The following RAB38 variants were observed in gnomAD, a reference collection of about 807,000 sequenced individuals.
RAB38 encodes ras-related protein Rab-38.
Under a neutral mutation model 18.4 loss-of-function variants are expected in RAB38, and 15 were observed. The ratio of observed to expected loss-of-function variants is 0.82; its 90% CI spans 0.55 to 1.26. The LOEUF (loss-of-function observed/expected upper bound fraction) is 1.26, where lower values mean the gene tolerates loss of function less well. RAB38 is among the 50% of genes most tolerant of loss of function. The pLI, the probability that RAB38 is intolerant of heterozygous loss-of-function variation, is 0.00. For missense variants in RAB38, 294 were observed against 267.4 expected (o/e 1.10, Z -0.69); for synonymous variants, 101 against 104.4 (o/e 0.97, Z 0.20).
the RAB38 span, among the ~76,000 whole-genome samples, chr11:87,951,767 C>T: frequency 6.6e-6 from 1 of 152,120 alleles, no homozygotes; most frequent in Non-Finnish European, 1.5e-5. Context: ...AGTTTTGTCT[C>T]AGAGGAGTAC....
chr11:87,960,677 C>T, the RAB38 span, among the ~76,000 whole-genome samples: 4 of 152,270 alleles, frequency 2.6e-5, no homozygotes, highest in Non-Finnish European at 5.9e-5. Context: ...ACCTGCATTT[C>T]GGTTACATAA....
At chr11:87,946,105 A>G in the RAB38 span, among the ~76,000 whole-genome samples, 1 of 152,176 alleles carries the variant, frequency 6.6e-6, no homozygotes, top group African/African-American at 2.4e-5. Context: ...TCAGTTCAAT[A>G]GTAGGGGAAT....
At chr11:88,142,449 C>A (rs1158819725) in intron 2 of RAB38, among the ~76,000 whole-genome samples, 1 of 152,220 alleles carries the variant, frequency 6.6e-6, no homozygotes, top group East Asian at 1.9e-4. Context: ...GCATCCTATG[C>A]ACTGAAGCAT....
At chr11:87,835,089 T>C in the RAB38 span, among the ~76,000 whole-genome samples, 2 of 152,244 alleles carry the variant, frequency 1.3e-5, no homozygotes, top group Non-Finnish European at 2.9e-5. Flanking sequence ...TTTTCTTTAG[T>C]TGTCAGGTTT....
the RAB38 span, among the ~76,000 whole-genome samples, chr11:87,965,016 G>A: frequency 6.6e-6 from 1 of 152,072 alleles, no homozygotes; most frequent in Non-Finnish European, 1.5e-5. Context: ...AACATATTCA[G>A]CCAGATAATT....
chr11:87,908,040 C>A, the RAB38 span, among the ~76,000 whole-genome samples: 1 of 151,750 alleles, frequency 6.6e-6, no homozygotes, highest in Admixed American at 6.6e-5. Flanking sequence ...TTTTTCTTCT[C>A]TCCTTTTAAG....
chr11:88,151,179 A>G (rs1464268605), intron 1 of RAB38, among the ~76,000 whole-genome samples: 1 of 152,224 alleles, frequency 6.6e-6, no homozygotes, highest in Non-Finnish European at 1.5e-5. Context: ...CAAATTGGCA[A>G]TAATAATATG....
At chr11:88,028,503 A>G in the RAB38 span, among the ~76,000 whole-genome samples, 1 of 152,318 alleles carries the variant, frequency 6.6e-6, no homozygotes, top group Non-Finnish European at 1.5e-5. Flanking sequence ...AGAATGTATA[A>G]CTAGCATAAC....
chr11:88,067,402 T>C, the RAB38 span, among the ~76,000 whole-genome samples: 1 of 149,686 alleles, frequency 6.7e-6, no homozygotes, highest in African/African-American at 2.5e-5. Flanking sequence ...CAATGTCACA[T>C]AGCACCATTA....
At chr11:88,037,116 T>G in the RAB38 span, among the ~76,000 whole-genome samples, 1 of 152,190 alleles carries the variant, frequency 6.6e-6, no homozygotes, top group Admixed American at 6.5e-5. Flanking sequence ...TTTGAGCAGG[T>G]AGTTGTTTGA....
At chr11:87,884,585 G>A in the RAB38 span, among the ~76,000 whole-genome samples, 2 of 151,906 alleles carry the variant, frequency 1.3e-5, no homozygotes, top group African/African-American at 4.8e-5. Flanking sequence ...GTGTTCACAG[G>A]TTAACAACAG....
intron 1 of RAB38, among the ~76,000 whole-genome samples, chr11:88,173,024 T>G (rs1943328976): frequency 6.6e-6 from 1 of 152,208 alleles, no homozygotes; most frequent in Non-Finnish European, 1.5e-5. Flanking sequence ...TATACAGACT[T>G]CTGTGACTAC....
At chr11:88,141,190 C>T (rs1157713293) in intron 2 of RAB38, among the ~76,000 whole-genome samples, 1 of 152,122 alleles carries the variant, frequency 6.6e-6, no homozygotes, top group Non-Finnish European at 1.5e-5. Flanking sequence ...GCAGAACCAA[C>T]TGGGCACAAG....
At chr11:87,890,397 T>C in the RAB38 span, among the ~76,000 whole-genome samples, 3 of 151,864 alleles carry the variant, frequency 2.0e-5, no homozygotes, top group Admixed American at 6.6e-5. Context: ...CCTCCTATGT[T>C]CTTCTGCTGC....
At chr11:88,029,999 T>C in the RAB38 span, among the ~76,000 whole-genome samples, 5,820 of 152,070 alleles carry the variant, frequency 0.038, 139 homozygotes, top group Middle Eastern at 0.068. Flanking sequence ...CCTCAGCAAA[T>C]GTAAAAGAAC....
the RAB38 span, among the ~76,000 whole-genome samples, chr11:87,806,366 T>C: frequency 1.3e-5 from 2 of 152,156 alleles, no homozygotes; most frequent in African/African-American, 4.8e-5. Context: ...GGTGGCACCT[T>C]CTTACCACAT....
chr11:87,813,499 TCACACACACACA>T, the RAB38 span, among the ~76,000 whole-genome samples: 6 of 146,844 alleles, frequency 4.1e-5, no homozygotes, highest in Non-Finnish European at 7.5e-5. Context: ...ATCATACACA[TCACACACACACA>T]CACACACACA....
the RAB38 span, among the ~76,000 whole-genome samples, chr11:88,036,668 G>A: frequency 6.6e-6 from 1 of 151,956 alleles, no homozygotes; most frequent in Non-Finnish European, 1.5e-5. Context: ...CAACATAGAG[G>A]TAGGGTCACT....
the RAB38 span, among the ~76,000 whole-genome samples, chr11:87,956,308 TA>T: frequency 6.6e-6 from 1 of 152,176 alleles, no homozygotes; most frequent in South Asian, 2.1e-4. Flanking sequence ...GTTCTTATTA[TA>T]AAATTACACA....
Sources: allele counts gnomAD v4.1 joint callset (sites outside exome capture counted in the v4.1 genomes callset), GRCh38; gene constraint gnomAD v4.1.1; transcripts MANE v1.5; gene names NCBI Gene and HGNC (gene_info 2026-07-23, HGNC 2026-07-21).